Variants in SORCS2 observed in about 807,000 individuals in gnomAD.
SORCS2 encodes sortilin related VPS10 domain containing receptor 2.
A neutral mutation model predicts 141.6 loss-of-function variants in SORCS2; 100 were observed. The ratio of observed to expected loss-of-function variants is 0.71; its 90% CI spans 0.60 to 0.83. The LOEUF is 0.83. SORCS2 is among the 40% of genes least tolerant of loss of function. The pLI, the probability that SORCS2 is intolerant of heterozygous loss-of-function variation, is 0.00. For missense variants in SORCS2, 1,646 were observed against 1,560.2 expected, an observed-to-expected ratio of 1.05 and a Z score of -0.93; for synonymous variants, 789 against 676.9, an observed-to-expected ratio of 1.17 and a Z score of -2.57.
chr4:7,561,216 G>A (rs1440900155), intron 3 of SORCS2, among the ~76,000 whole-genome samples: 2 of 152,092 alleles, frequency 1.3e-5, no homozygotes, highest in African/African-American at 4.8e-5. Flanking sequence ...TTTTTAATTT[G>A]TCATACAGGG....
At chr4:7,507,177 A>ATTAT (rs59015576) in intron 2 of SORCS2, among the ~76,000 whole-genome samples, 1 of 150,678 alleles carries the variant, frequency 6.6e-6, no homozygotes, top group South Asian at 2.1e-4. Context: ...CTTTTTTATT[A>ATTAT]TTATTTATTT....
At chr4:7,462,691 G>C (rs1463689706) in intron 2 of SORCS2, among the ~76,000 whole-genome samples, 1 of 151,798 alleles carries the variant, frequency 6.6e-6, no homozygotes, top group Non-Finnish European at 1.5e-5. Context: ...CTGGCTCTGG[G>C]TCTGGCACGC....
intron 4 of SORCS2, among the ~76,000 whole-genome samples, chr4:7,640,974 G>C (rs1295239502): frequency 6.6e-6 from 1 of 152,180 alleles, no homozygotes; most frequent in Non-Finnish European, 1.5e-5. Flanking sequence ...GGCCAGAGAA[G>C]GGTGGATCTG....
chr4:7,309,505 C>G (rs1342514721), intron 1 of SORCS2, among the ~76,000 whole-genome samples: 2 of 152,318 alleles, frequency 1.3e-5, no homozygotes, highest in Non-Finnish European at 2.9e-5. Flanking sequence ...CCGGGCGACA[C>G]AGACGATGGG....
At chr4:7,632,104 T>G (rs12509359) in intron 3 of SORCS2, among the ~76,000 whole-genome samples, 40,607 of 152,094 alleles carry the variant, frequency 0.27, 6,619 homozygotes, top group East Asian at 0.75. Flanking sequence ...ACCTAGCAGG[T>G]ATGCTGTGAA....
At chr4:7,584,585 G>A (rs1220504761) in intron 3 of SORCS2, among the ~76,000 whole-genome samples, 1 of 152,178 alleles carries the variant, frequency 6.6e-6, no homozygotes, top group Non-Finnish European at 1.5e-5. Context: ...TGAGTGACGA[G>A]TCTCTCTACT....
chr4:7,245,580 T>C (rs1713027999), intron 1 of SORCS2, among the ~76,000 whole-genome samples: 1 of 152,228 alleles, frequency 6.6e-6, no homozygotes, highest in Non-Finnish European at 1.5e-5. Context: ...GGACCAATGT[T>C]AGTGCCTCCC....
chr4:7,618,304 G>A (rs796811408), intron 3 of SORCS2, among the ~76,000 whole-genome samples: 23 of 152,052 alleles, frequency 1.5e-4, no homozygotes, highest in African/African-American at 5.3e-4. Flanking sequence ...TCCAAACCAC[G>A]AGACCTTTGT....
At chr4:7,483,308 G>T (rs1730767678) in intron 2 of SORCS2, among the ~76,000 whole-genome samples, 1 of 142,784 alleles carries the variant, frequency 7.0e-6, no homozygotes, top group Non-Finnish European at 1.5e-5. Flanking sequence ...GGGTGACAGA[G>T]CGAGACTCCA....
intron 3 of SORCS2, among the ~76,000 whole-genome samples, chr4:7,637,803 C>A (rs1418808717): frequency 6.6e-6 from 1 of 150,958 alleles, no homozygotes; most frequent in Non-Finnish European, 1.5e-5. Flanking sequence ...TTCTGGGCAC[C>A]CCTCCCTGGT....
chr4:7,631,172 G>C (rs1227113355), intron 3 of SORCS2, among the ~76,000 whole-genome samples: 2 of 151,004 alleles, frequency 1.3e-5, no homozygotes, highest in Non-Finnish European at 2.9e-5. Context: ...GCCAGAGGAA[G>C]ATGACGTGGA....
intron 14 of SORCS2, among the ~76,000 whole-genome samples, chr4:7,709,361 G>A (rs1374663787): frequency 6.6e-6 from 1 of 152,206 alleles, no homozygotes; most frequent in Non-Finnish European, 1.5e-5. Flanking sequence ...CGGCTGTCAT[G>A]AGGTCTGAGC....
chr4:7,500,957 C>T (rs950522677), intron 2 of SORCS2, among the ~76,000 whole-genome samples: 2 of 152,222 alleles, frequency 1.3e-5, no homozygotes, highest in African/African-American at 4.8e-5. Flanking sequence ...TTGGCCTTCC[C>T]AGGGAGCTCG....
At chr4:7,314,800 GTTTT>G (rs397880294) in intron 1 of SORCS2, among the ~76,000 whole-genome samples, 2,303 of 109,702 alleles carry the variant, frequency 0.021, 52 homozygotes, top group African/African-American at 0.071. Flanking sequence ...CCACTGTTCT[GTTTT>G]TTTTTTTTTT....
intron 12 of SORCS2, among the ~76,000 whole-genome samples, chr4:7,701,466 C>T (rs550197785): frequency 7.4e-4 from 112 of 152,278 alleles, no homozygotes; most frequent in Non-Finnish European, 1.1e-3. Flanking sequence ...GGGAGGGCAA[C>T]GGCACATGCA....
chr4:7,725,049 G>C, intron 19 of SORCS2, 105 bp from the exon 20 acceptor site: 1 of 1,246,364 alleles, frequency 8.0e-7, no homozygotes, highest in East Asian at 2.3e-5. Flanking sequence ...TAGTGGTGGT[G>C]GTGATGATAG....
intron 1 of SORCS2, among the ~76,000 whole-genome samples, chr4:7,218,038 T>C (rs969209691): frequency 1.3e-5 from 2 of 151,456 alleles, no homozygotes; most frequent in African/African-American, 2.4e-5. Flanking sequence ...TGGCGGGGGG[T>C]GCTCTTCATG....
intron 2 of SORCS2, among the ~76,000 whole-genome samples, chr4:7,528,966 C>A (rs867648066): frequency 1.3e-5 from 2 of 152,178 alleles, no homozygotes; most frequent in Admixed American, 6.5e-5. Context: ...TCTGTCTGTG[C>A]GCGGCCTTCT....
intron 3 of SORCS2, among the ~76,000 whole-genome samples, chr4:7,550,883 A>G (rs1239987655): frequency 6.6e-6 from 1 of 152,166 alleles, no homozygotes; most frequent in African/African-American, 2.4e-5. Flanking sequence ...TCACCCGCTC[A>G]TCTGCTGTCT....
Sources: allele counts gnomAD v4.1 joint callset (sites outside exome capture counted in the v4.1 genomes callset), GRCh38; gene constraint gnomAD v4.1.1; transcripts MANE v1.5; gene names NCBI Gene and HGNC (gene_info 2026-07-23, HGNC 2026-07-21).